The following MYO1D variants were observed in gnomAD, a reference collection of about 807,000 sequenced individuals.
The protein encoded by MYO1D is unconventional myosin-Id.
Under a neutral mutation model 122.0 loss-of-function variants are expected in MYO1D, and 83 were observed. The ratio of observed to expected loss-of-function variants is 0.68; its 90% CI spans 0.57 to 0.82. MYO1D has a LOEUF of 0.82. MYO1D is among the 40% of genes least tolerant of loss of function. MYO1D has a pLI of 0.00. For synonymous variants in MYO1D, 464 were observed against 446.9 expected, an observed-to-expected ratio of 1.04 and a Z score of -0.48; for missense variants, 1,157 against 1,269.5, an observed-to-expected ratio of 0.91 and a Z score of 1.35.
intron 21 of MYO1D, among the ~76,000 whole-genome samples, chr17:32,516,446 T>G (rs1909893397): frequency 6.6e-6 from 1 of 152,228 alleles, no homozygotes; most frequent in Non-Finnish European, 1.5e-5. Flanking sequence ...TGATCCAGGC[T>G]GGAGCTTGCT....
intron 21 of MYO1D, among the ~76,000 whole-genome samples, chr17:32,565,389 A>G (rs1183615905): frequency 6.6e-6 from 1 of 152,174 alleles, no homozygotes; most frequent in Non-Finnish European, 1.5e-5. Flanking sequence ...GGCACTGCTC[A>G]CTTTTATGAT....
intron 16 of MYO1D, among the ~76,000 whole-genome samples, chr17:32,665,855 T>C (rs77740627): frequency 0.015 from 2,230 of 152,270 alleles, 44 homozygotes; most frequent in African/African-American, 0.048. Context: ...AACCCCAGAA[T>C]GTCAGGATCA....
intron 16 of MYO1D, among the ~76,000 whole-genome samples, chr17:32,709,630 T>C (rs1330824864): frequency 6.6e-6 from 1 of 151,816 alleles, no homozygotes; most frequent in African/African-American, 2.4e-5. Flanking sequence ...AGTATTCCAG[T>C]CCAAATGTTT....
intron 12 of MYO1D, among the ~76,000 whole-genome samples, chr17:32,746,039 C>T (rs1446490791): frequency 6.6e-6 from 1 of 152,190 alleles, no homozygotes; most frequent in Non-Finnish European, 1.5e-5. Context: ...CACAGCTACA[C>T]CTTACAGTTC....
At chr17:32,826,091 G>A (rs1389210602) in intron 1 of MYO1D, among the ~76,000 whole-genome samples, 3 of 151,278 alleles carry the variant, frequency 2.0e-5, no homozygotes, top group African/African-American at 7.3e-5. Context: ...CTTTATTCTG[G>A]GGGTTAACTA....
intron 1 of MYO1D, among the ~76,000 whole-genome samples, chr17:32,813,273 C>T (rs749613676): frequency 6.6e-5 from 10 of 152,202 alleles, no homozygotes; most frequent in Non-Finnish European, 1.3e-4. Context: ...TGGTGATCAA[C>T]ATAACTATGG....
At position 32,755,654 on chromosome 17, in the gene MYO1D, G is replaced by C; in HGVS notation, c.1305C>G (p.Tyr435Ter). Residue 435 changes from tyrosine (Y) to a stop codon, truncating the protein, a stop_gained, in exon 11 of 22, where the codon TAC becomes TAG. Transcript: ENST00000318217. LOFTEE classifies it high-confidence loss of function. ...GGTCAACAATGATCTGATTGTTGAA[G>C]TAGTCAATCTGTAGGACACAGCAAG... ...REGIPWKHIDYFNNQIIVDLV... is the reference protein window; with the variant it reads ...REGIPWKHID 1 of 1,613,138 alleles carries C rather than the reference G, an allele frequency of 6.2e-7. No homozygotes were observed. The highest frequency in any genetic ancestry group is 8.5e-7 in the Non-Finnish European group (1 of 1,179,442).
intron 21 of MYO1D, among the ~76,000 whole-genome samples, chr17:32,518,095 C>A (rs1909962294): frequency 6.6e-6 from 1 of 152,092 alleles, no homozygotes; most frequent in South Asian, 2.1e-4. Flanking sequence ...TCTGCCATCA[C>A]CCTCTGGACA....
intron 20 of MYO1D, among the ~76,000 whole-genome samples, chr17:32,626,858 G>A (rs996023207): frequency 1.3e-5 from 2 of 152,186 alleles, no homozygotes; most frequent in East Asian, 1.9e-4. Flanking sequence ...TTAAAACGAC[G>A]TGGCTCACTC....
intron 21 of MYO1D, among the ~76,000 whole-genome samples, chr17:32,534,320 C>T (rs1910595624): frequency 6.6e-6 from 1 of 152,156 alleles, no homozygotes. Flanking sequence ...GCATGTGCCA[C>T]CATACCCACC....
intron 21 of MYO1D, among the ~76,000 whole-genome samples, chr17:32,562,352 T>C (rs2087133530): frequency 6.7e-6 from 1 of 148,462 alleles, no homozygotes; most frequent in African/African-American, 2.5e-5. Context: ...CTGCAAAATA[T>C]TTCATTTCAT....
At chr17:32,518,016 C>T (rs1479118988) in intron 21 of MYO1D, among the ~76,000 whole-genome samples, 1 of 151,162 alleles carries the variant, frequency 6.6e-6, no homozygotes, top group Non-Finnish European at 1.5e-5. Flanking sequence ...GCCACTCTGC[C>T]ATCACCCTCT....
At chr17:32,844,436 T>C (rs1167532207) in intron 1 of MYO1D, among the ~76,000 whole-genome samples, 1 of 147,810 alleles carries the variant, frequency 6.8e-6, no homozygotes, top group Non-Finnish European at 1.5e-5. Flanking sequence ...ATATAATATG[T>C]ATATATATAA....
intron 16 of MYO1D, among the ~76,000 whole-genome samples, chr17:32,704,809 A>G (rs917370871): frequency 1.3e-5 from 2 of 152,224 alleles, no homozygotes; most frequent in Non-Finnish European, 2.9e-5. Flanking sequence ...TAAGTCAGCT[A>G]TTACAAATAT....
intron 1 of MYO1D, among the ~76,000 whole-genome samples, chr17:32,836,378 T>C (rs1457836674): frequency 1.3e-5 from 2 of 152,226 alleles, no homozygotes; most frequent in African/African-American, 4.8e-5. Flanking sequence ...CATAGTTTGC[T>C]GAATTTGGAC....
intron 1 of MYO1D, among the ~76,000 whole-genome samples, chr17:32,849,740 C>G (rs2090969677): frequency 6.6e-6 from 1 of 151,958 alleles, no homozygotes. Context: ...GTGCAGCACG[C>G]CAGCATGGCA....
chr17:32,664,563 G>C (rs2088611613), intron 16 of MYO1D, among the ~76,000 whole-genome samples: 1 of 152,318 alleles, frequency 6.6e-6, no homozygotes, highest in Non-Finnish European at 1.5e-5. Context: ...GACGTTACAT[G>C]CTTTAGGATA....
intron 13 of MYO1D, among the ~76,000 whole-genome samples, chr17:32,738,669 A>G (rs951106957): frequency 6.6e-6 from 1 of 152,196 alleles, no homozygotes; most frequent in Non-Finnish European, 1.5e-5. Context: ...GGACCCTCAA[A>G]TGGTCAATAT....
intron 19 of MYO1D, among the ~76,000 whole-genome samples, chr17:32,646,976 G>C (rs1295761639): frequency 6.6e-6 from 1 of 152,120 alleles, no homozygotes; most frequent in African/African-American, 2.4e-5. Context: ...AGAAAAACTA[G>C]ATTATAGACT....
Sources: allele counts gnomAD v4.1 joint callset (sites outside exome capture counted in the v4.1 genomes callset), GRCh38; gene constraint gnomAD v4.1.1; transcripts MANE v1.5; gene names NCBI Gene and HGNC (gene_info 2026-07-23, HGNC 2026-07-21).